C16orf90: variants seen among roughly 807,000 people sequenced by gnomAD.
C16orf90 encodes chromosome 16 open reading frame 90.
A neutral mutation model predicts 17.1 loss-of-function variants in C16orf90; 17 were observed. The observed-to-expected ratio is 1.00, with a 90% CI of 0.68 to 1.49. C16orf90 has a LOEUF of 1.49. C16orf90 is among the 40% of genes most tolerant of loss of function. The probability of loss-of-function intolerance (pLI) is 0.00; values close to 1 mark genes in which losing one functional copy is unlikely to be tolerated. For missense variants in C16orf90, 255 were observed against 235.5 expected (o/e 1.08, Z -0.54); for synonymous variants, 108 against 95.8 (o/e 1.13, Z -0.75).
chr16:3,495,834 G>C (rs533038613), upstream of C16orf90, among the ~76,000 whole-genome samples: 2 of 152,248 alleles, frequency 1.3e-5, no homozygotes, highest in South Asian at 2.1e-4. Flanking sequence ...GGCTGGGGGC[G>C]GTGGCTCATG....
chr16:3,494,379 G>T, intron 2 of C16orf90, 145 bp downstream of exon 2: 1 of 692,736 alleles, frequency 1.4e-6, no homozygotes, highest in Non-Finnish European at 2.5e-6. Context: ...ATGCAGAGAT[G>T]GGGACAGATT....
At position 3,494,353 on chromosome 16, in the gene C16orf90, C is replaced by T. The variant is rs1001596488; in HGVS notation, c.400+171G>A. 4.6e-5 allele frequency among the ~76,000 whole-genome samples: 7 copies of T among 152,186 alleles called. No homozygotes were observed. In the South Asian group the frequency reaches 8.3e-4, roughly 18 times the overall value. On this transcript the variant is annotated intron_variant, in intron 2 of 2. Transcript: ENST00000437192. ...TGTCCCTGGTGGATTCTCCAGACCC[C>T]GCTTAGCTGTGCGTGATGCAGAGAT...
chr16:3,496,120 T>C (rs544304157), upstream of C16orf90: 5 of 377,270 alleles, frequency 1.3e-5, no homozygotes, highest in Admixed American at 3.5e-5. Flanking sequence ...CAGCCTGGGC[T>C]GCAGAGCGAG....
Position 3,493,716 on chromosome 16 carries a change from G to C in C16orf90, c.*123C>G. ...ATTCTCCCGAGGCCCAGGCCTGGGC[G>C]CTGGGCCGCTGCCTGGGCCACCCCA... On this transcript the variant is annotated 3_prime_UTR_variant, in exon 3 of 3. Transcript: ENST00000437192. 1 of 861,912 alleles carries C rather than the reference G, an allele frequency of 1.2e-6. No homozygotes were observed. The highest frequency in any genetic ancestry group is 1.7e-6 in the Non-Finnish European group (1 of 576,654). 53.4% of individuals were successfully genotyped at this position (861,912 alleles called of 1,614,324 possible). A position where few individuals can be genotyped will look rare whatever the true frequency, so the allele number is the denominator to read the frequency against.
chr16:3,494,493 C>G (rs747039192), intron 2 of C16orf90, 31 bp downstream of exon 2: 2 of 1,588,638 alleles, frequency 1.3e-6, no homozygotes, highest in African/African-American at 2.7e-5. Flanking sequence ...GGGTCTTCCC[C>G]CGTGCCCAGT....
At chr16:3,494,120 C>A (rs1371678226) in intron 2 of C16orf90, 133 bp from the exon 3 acceptor site, 15 of 753,074 alleles carry the variant, frequency 2.0e-5, no homozygotes, top group Non-Finnish European at 3.0e-5. Flanking sequence ...ATGCTTCCTC[C>A]TTAACAGAAT....
chr16:3,496,484 G>C, upstream of C16orf90: 1 of 729,800 alleles, frequency 1.4e-6, no homozygotes, highest in South Asian at 1.3e-5. Context: ...CGAGGGTTCA[G>C]GAGGTGCCCA....
Position 3,494,600 on chromosome 16 carries a change from C to G in C16orf90, c.324G>C (p.Gly108=). ...GTAWALDLPQ[G]TLGPRNSLCS... The stretch of plus-strand genomic sequence containing the variant: ...AGAGGCTGTTACGTGGGCCCAGAGT[C>G]CCCTGTGGCAGGTCCAGGGCCCAGG... The change falls in exon 2 of 3, where the codon GGG becomes GGC. Residue 108 remains glycine (G), a synonymous_variant. Coordinates refer to ENST00000437192, the MANE Select transcript of C16orf90 (RefSeq NM_001080524.2). 1 of 1,612,868 alleles carries G rather than the reference C, an allele frequency of 6.2e-7. No individual in the cohort carries two copies. Among genetic ancestry groups the G allele is most frequent in the Non-Finnish European group, 8.5e-7 (1 of 1,179,874 alleles).
intron 2 of C16orf90, 142 bp from the exon 3 acceptor site, chr16:3,494,129 A>AT: frequency 1.4e-6 from 1 of 701,754 alleles, no homozygotes; most frequent in Non-Finnish European, 2.3e-6. Flanking sequence ...CCTTAACAGA[A>AT]TCCCCAGGGG....
upstream of C16orf90, chr16:3,496,155 G>A (rs2037306272): frequency 3.4e-5 from 14 of 415,232 alleles, no homozygotes; most frequent in South Asian, 2.7e-4. Flanking sequence ...AAAAAAAAAA[G>A]TTAAACATTC....
rs1050424565 is a variant in C16orf90, at chr16:3,493,764, G to T, written c.*75C>A. ...CCATGTGGCAGGGCCACTGCCGGGG[G>T]CCGAGCCCCTCCTGCTCAGGCTGCC... On this transcript the variant is annotated 3_prime_UTR_variant, in exon 3 of 3. Transcript: ENST00000437192. The T allele has an allele frequency of 1.0e-5, 15 of 1,461,382 alleles. No homozygotes were observed. The highest frequency in any genetic ancestry group is 1.3e-5 in the Non-Finnish European group (14 of 1,084,458). The allele number at this position is 1,461,382 out of a possible 1,614,324, so 90.5% of individuals were successfully genotyped here.
Position 3,493,549 on chromosome 16 carries a change from G to T in C16orf90, c.*290C>A. The T allele has an allele frequency of 3.6e-6, 1 of 274,436 alleles. No individual in the cohort carries two copies. The highest frequency in any genetic ancestry group is 7.6e-5 in the South Asian group (1 of 13,242). 17.0% of individuals were successfully genotyped at this position (274,436 alleles called of 1,614,324 possible). A position where few individuals can be genotyped will look rare whatever the true frequency, so the allele number is the denominator to read the frequency against. ...CCCGGCCTCTCAGGGAGGCGGTGGC[G>T]GGGGGGCCTGATTCTGCACTCAGCC... On this transcript the variant is annotated 3_prime_UTR_variant, in exon 3 of 3. Transcript: ENST00000437192.
rs2037262125 is a variant in C16orf90, at chr16:3,493,777, T to G, written c.*62A>C. 1 of 1,512,364 alleles carries G rather than the reference T, an allele frequency of 6.6e-7. No homozygotes were observed. Among genetic ancestry groups the G allele is most frequent in the Admixed American group, 2.0e-5 (1 of 49,848 alleles). 93.7% of individuals were successfully genotyped at this position (1,512,364 alleles called of 1,614,324 possible). A position where few individuals can be genotyped will look rare whatever the true frequency, so the allele number is the denominator to read the frequency against. ...CCACTGCCGGGGGCCGAGCCCCTCC[T>G]GCTCAGGCTGCCTCCTCGGCCATCC... is the stretch of plus-strand genomic sequence containing the variant. On this transcript the variant is annotated 3_prime_UTR_variant, in exon 3 of 3. Coordinates refer to ENST00000437192, the MANE Select transcript of C16orf90 (RefSeq NM_001080524.2).
At position 3,494,764 on chromosome 16, in the gene C16orf90, G is replaced by T. The variant is rs1337287101; in HGVS notation, c.160C>A (p.Pro54Thr). The change falls in exon 2 of 3, where the codon CCC (proline) becomes ACC (threonine). Residue 54 changes from proline (P) to threonine (T), a missense_variant. By Grantham distance (38) the Pro-to-Thr change is conservative. Coordinates refer to ENST00000437192, the MANE Select transcript of C16orf90 (RefSeq NM_001080524.2). ...PQCPSAQGSK[P>T]KNFRLRHLRG... The stretch of plus-strand genomic sequence containing the variant: ...AGGTGGCGCAGCCGGAAGTTCTTGG[G>T]CTTGCTTCCCTGGGCACTGGGGCAC... 6.2e-7 allele frequency: 1 copy of T among 1,602,240 alleles called. No individual in the cohort carries two copies.
Position 3,494,565 on chromosome 16 carries a change from A to C in C16orf90, c.359T>G (p.Leu120Arg), listed in dbSNP as rs1362101214. ...LGPRNSLCSA[L>R]LEARLPRDSL... ...GTCCCTGGGCAATCGGGCTTCCAGAAGGGCTGAACAGAGGCTGTTACGTGG... is the reference window on the plus strand; with the variant it reads ...GTCCCTGGGCAATCGGGCTTCCAGACGGGCTGAACAGAGGCTGTTACGTGG... The change falls in exon 2 of 3, where the codon CTT becomes CGT. Residue 120 changes from leucine (L) to arginine (R), a missense_variant. Coordinates refer to ENST00000437192, the MANE Select transcript of C16orf90 (RefSeq NM_001080524.2). 1 of 1,612,824 alleles carries C rather than the reference A, an allele frequency of 6.2e-7. No individual in the cohort carries two copies. Among genetic ancestry groups the C allele is most frequent in the African/African-American group, 1.3e-5 (1 of 75,030 alleles).
Position 3,495,400 on chromosome 16 carries a change from A to G in C16orf90, c.22T>C (p.Phe8Leu). 1 of 1,610,384 alleles carries G rather than the reference A, an allele frequency of 6.2e-7. No homozygotes were observed. Among genetic ancestry groups the G allele is most frequent in the Non-Finnish European group, 8.5e-7 (1 of 1,178,350 alleles). Reference protein sequence around the residue: MEALVCAFSELHIREDAV... With the variant: MEALVCALSELHIREDAV... ...CCTTCTCTTATGTGCAGCTCAGAAA[A>G]TGCACAGACCAAGGCTTCCATGGAG... Residue 8 changes from phenylalanine (F) to leucine (L), a missense_variant, in exon 1 of 3, where the codon TTT becomes CTT. Transcript: ENST00000437192.
At chr16:3,494,440 G>A in intron 2 of C16orf90, 84 bp downstream of exon 2, 2 of 1,134,484 alleles carry the variant, frequency 1.8e-6, no homozygotes, top group Non-Finnish European at 2.6e-6. Flanking sequence ...AGGCTTGGGA[G>A]TGGAGAAGGG....
upstream of C16orf90, chr16:3,496,440 C>T (rs1029615808): frequency 3.5e-5 from 35 of 1,007,006 alleles, no homozygotes; most frequent in Admixed American, 3.7e-4. Flanking sequence ...GAAAACAAAA[C>T]GGCCGTGGTT....
chr16:3,496,623 C>G, upstream of C16orf90: 2 of 532,452 alleles, frequency 3.8e-6, no homozygotes, highest in Admixed American at 3.9e-5. Flanking sequence ...GTCCTACTCT[C>G]CGGTCTTCGC....
Sources: gnomAD v4.1 joint callset for allele counts (sites outside exome capture counted in the v4.1 genomes callset) on GRCh38, gnomAD v4.1.1 for gene constraint, MANE v1.5 for transcripts, NCBI Gene and HGNC (gene_info 2026-07-23, HGNC 2026-07-21) for gene names.